Variants in LRMDA observed in about 807,000 individuals in gnomAD.
LRMDA encodes the protein leucine-rich melanocyte differentiation-associated protein.
A neutral mutation model predicts 29.8 loss-of-function variants in LRMDA; 18 were observed. The observed-to-expected ratio is 0.60, with a 90% CI of 0.42 to 0.90. The LOEUF (loss-of-function observed/expected upper bound fraction) is 0.90. Among genes scored for constraint, LRMDA ranks in the 40% least tolerant of loss-of-function variants. The pLI is 0.00. For synonymous variants in LRMDA, 125 were observed against 109.4 expected (o/e 1.14, Z -0.89); for missense variants, 273 against 273.9 (o/e 1.00, Z 0.02).
intron 2 of LRMDA, among the ~76,000 whole-genome samples, chr10:75,660,055 G>A (rs764235497): frequency 3.3e-5 from 5 of 152,012 alleles, no homozygotes; most frequent in Non-Finnish European, 7.4e-5. Flanking sequence ...GTGTCTGGGT[G>A]TCTCTGTCTT....
chr10:75,724,855 T>C (rs1379614397), intron 2 of LRMDA, among the ~76,000 whole-genome samples: 1 of 152,198 alleles, frequency 6.6e-6, no homozygotes, highest in African/African-American at 2.4e-5. Flanking sequence ...TGTTGCTTGG[T>C]TGCACCTGTC....
chr10:76,299,890 C>G (rs766177847), intron 5 of LRMDA, among the ~76,000 whole-genome samples: 1 of 152,222 alleles, frequency 6.6e-6, no homozygotes, highest in African/African-American at 2.4e-5. Context: ...CAGATAAAAT[C>G]GGACAATTTG....
chr10:75,638,178 C>G (rs1393186263), intron 2 of LRMDA, among the ~76,000 whole-genome samples: 1 of 152,182 alleles, frequency 6.6e-6, no homozygotes, highest in East Asian at 1.9e-4. Flanking sequence ...ATCCCAACTG[C>G]TTCAGAGAGT....
chr10:75,868,371 T>G (rs1845054255), intron 2 of LRMDA, among the ~76,000 whole-genome samples: 1 of 152,192 alleles, frequency 6.6e-6, no homozygotes, highest in Non-Finnish European at 1.5e-5. Context: ...TTTCTTTTTA[T>G]GAAATGGGGG....
At chr10:76,105,233 T>C (rs1475675477) in intron 5 of LRMDA, among the ~76,000 whole-genome samples, 1 of 152,198 alleles carries the variant, frequency 6.6e-6, no homozygotes, top group Admixed American at 6.5e-5. Flanking sequence ...ATATTTATCA[T>C]CTGTCTCTAC....
rs1003611816 is a variant in LRMDA at position 75,785,862 on chromosome 10, T to C, written c.132-250146T>C. ...CGATTTTATCAAACATTGTGAAAAA[T>C]CTGCCACCACCTCCCGGAGAACACA... On this transcript the variant is annotated intron_variant, in intron 2 of 6. Transcript: ENST00000611255. 3.8e-4 allele frequency among the ~76,000 whole-genome samples: 58 copies of C among 152,292 alleles called. 1 individual carries two copies. The highest frequency in any genetic ancestry group is 7.2e-4 in the Admixed American group (11 of 15,292).
intron 2 of LRMDA, among the ~76,000 whole-genome samples, chr10:76,007,654 T>TA (rs1847696475): frequency 3.3e-5 from 5 of 151,908 alleles, no homozygotes; most frequent in Admixed American, 3.3e-4. Context: ...GGACATCTCC[T>TA]GGCATCACAA....
intron 5 of LRMDA, among the ~76,000 whole-genome samples, chr10:76,146,881 C>G (rs1416643157): frequency 2.6e-5 from 4 of 152,102 alleles, no homozygotes; most frequent in Admixed American, 6.6e-5. Context: ...GGCAGGCCTG[C>G]TGGTGACAAA....
intron 2 of LRMDA, among the ~76,000 whole-genome samples, chr10:75,602,162 T>A (rs1489340399): frequency 2.0e-5 from 3 of 151,890 alleles, no homozygotes; most frequent in Admixed American, 2.0e-4. Flanking sequence ...ATGCAGCCAG[T>A]GAGTTTCTTA....
At chr10:76,374,423 G>A (rs999910979) in intron 6 of LRMDA, among the ~76,000 whole-genome samples, 4 of 152,088 alleles carry the variant, frequency 2.6e-5, no homozygotes, top group Non-Finnish European at 5.9e-5. Flanking sequence ...CGTCTGGATT[G>A]GGCAGATAAA....
chr10:75,972,193 CT>C (rs1196384486), intron 2 of LRMDA, among the ~76,000 whole-genome samples: 1 of 151,632 alleles, frequency 6.6e-6, no homozygotes, highest in African/African-American at 2.4e-5. Context: ...TATAAGTCCA[CT>C]TAAGAATTAG....
chr10:75,582,005 G>C (rs1402785219), intron 2 of LRMDA, among the ~76,000 whole-genome samples: 1 of 152,236 alleles, frequency 6.6e-6, no homozygotes, highest in East Asian at 1.9e-4. Context: ...ACTGATGTGA[G>C]GGGTGGGCTC....
intron 5 of LRMDA, among the ~76,000 whole-genome samples, chr10:76,289,769 T>C (rs1302699610): frequency 6.6e-6 from 1 of 152,220 alleles, no homozygotes; most frequent in Admixed American, 6.5e-5. Context: ...TCCTGATGAA[T>C]TGCCCTTTAA....
chr10:75,504,566 G>A (rs1008476353), intron 2 of LRMDA, among the ~76,000 whole-genome samples: 5 of 152,142 alleles, frequency 3.3e-5, no homozygotes, highest in South Asian at 4.1e-4. Flanking sequence ...ATGTAATAAC[G>A]TCTGTAGTAA....
At chr10:75,946,289 G>C (rs1846474887) in intron 2 of LRMDA, among the ~76,000 whole-genome samples, 1 of 152,186 alleles carries the variant, frequency 6.6e-6, no homozygotes, top group Non-Finnish European at 1.5e-5. Context: ...TCTCCGCTGT[G>C]CCCATGTGAG....
chr10:75,594,689 G>C (rs149170640), intron 2 of LRMDA, among the ~76,000 whole-genome samples: 5 of 152,182 alleles, frequency 3.3e-5, no homozygotes, highest in African/African-American at 1.2e-4. Flanking sequence ...GTCATAGTAG[G>C]GGGGATCCTA....
At chr10:76,045,912 G>A (rs955006618) in intron 3 of LRMDA, among the ~76,000 whole-genome samples, 1 of 152,100 alleles carries the variant, frequency 6.6e-6, no homozygotes, top group Non-Finnish European at 1.5e-5. Flanking sequence ...GAAGTATGAG[G>A]AAATCTGTGT....
At chr10:75,509,955 AT>A (rs376179776) in intron 2 of LRMDA, among the ~76,000 whole-genome samples, 1 of 152,040 alleles carries the variant, frequency 6.6e-6, no homozygotes, top group African/African-American at 2.4e-5. Flanking sequence ...CACCCAGTCT[AT>A]TTTTTCCTCC....
chr10:76,281,806 C>A (rs1302618933), intron 5 of LRMDA, among the ~76,000 whole-genome samples: 2 of 152,144 alleles, frequency 1.3e-5, no homozygotes, highest in African/African-American at 4.8e-5. Context: ...GAGAAAGCAT[C>A]CTGATTTTTT....
Sources: gnomAD v4.1 joint callset for allele counts (sites outside exome capture counted in the v4.1 genomes callset) on GRCh38, gnomAD v4.1.1 for gene constraint, MANE v1.5 for transcripts, NCBI Gene and HGNC (gene_info 2026-07-23, HGNC 2026-07-21) for gene names.